COA1: variants seen among roughly 807,000 people sequenced by gnomAD.
COA1 encodes the protein cytochrome c oxidase assembly factor 1 homolog.
Under a neutral mutation model 16.0 loss-of-function variants are expected in COA1, and 13 were observed. The ratio of observed to expected loss-of-function variants is 0.81; its 90% CI spans 0.53 to 1.29. The LOEUF (loss-of-function observed/expected upper bound fraction) is 1.29. COA1 is among the 50% of genes most tolerant of loss of function. The pLI, the probability that COA1 is intolerant of heterozygous loss-of-function variation, is 0.00. For missense variants in COA1, 179 were observed against 177.0 expected, an observed-to-expected ratio of 1.01 and a Z score of -0.06; for synonymous variants, 65 against 65.7, an observed-to-expected ratio of 0.99 and a Z score of 0.05.
intron 1 of COA1, among the ~76,000 whole-genome samples, chr7:43,706,869 C>CA (rs199969447): frequency 1.4e-3 from 199 of 146,164 alleles, no homozygotes; most frequent in African/African-American, 4.9e-3. Flanking sequence ...GACCTTGTCT[C>CA]AAAAAAAAGA....
intron 1 of COA1, among the ~76,000 whole-genome samples, chr7:43,673,134 AAT>A (rs2093352326): frequency 6.6e-6 from 1 of 152,246 alleles, no homozygotes; most frequent in Non-Finnish European, 1.5e-5. Context: ...TGCCAAAGGC[AAT>A]TGTAACAAAA....
chr7:43,702,187 G>C (rs11974530), intron 1 of COA1, among the ~76,000 whole-genome samples: 1 of 152,014 alleles, frequency 6.6e-6, no homozygotes, highest in Non-Finnish European at 1.5e-5. Flanking sequence ...CAAAACCTAC[G>C]ACATAACTGT....
intron 6 of COA1, among the ~76,000 whole-genome samples, chr7:43,613,963 T>C (rs1484790777): frequency 1.3e-5 from 2 of 152,138 alleles, no homozygotes; most frequent in Non-Finnish European, 2.9e-5. Flanking sequence ...AAAGCAGGGG[T>C]AATAAAAACA....
intron 1 of COA1, among the ~76,000 whole-genome samples, chr7:43,691,944 G>A (rs564975692): frequency 5.5e-4 from 84 of 152,262 alleles, no homozygotes; most frequent in African/African-American, 1.7e-3. Context: ...AGGAGGAATC[G>A]CACCCACTTG....
chr7:43,716,373 G>C (rs189442908), intron 1 of COA1, among the ~76,000 whole-genome samples: 10 of 152,300 alleles, frequency 6.6e-5, no homozygotes, highest in Admixed American at 2.6e-4. Flanking sequence ...TGAGGAACTT[G>C]TTGGGAACTG....
chr7:43,614,376 AGATTTTGTGTGCCACAACTTCTTTATAAT>A (rs1320521378), intron 6 of COA1, among the ~76,000 whole-genome samples: 2 of 152,218 alleles, frequency 1.3e-5, no homozygotes, highest in Non-Finnish European at 2.9e-5. Flanking sequence ...AAATAGAACT[AGATTTTGTGTGCCACAACTTCTTTATAAT>A]GAACTGGATT....
intron 1 of COA1, among the ~76,000 whole-genome samples, chr7:43,697,163 C>A (rs1391691707): frequency 6.6e-6 from 1 of 151,680 alleles, no homozygotes; most frequent in Non-Finnish European, 1.5e-5. Flanking sequence ...AAAAGCCTGG[C>A]AAATATGTAA....
intron 6 of COA1, chr7:43,623,206 G>T (rs1381954550): frequency 1.0e-5 from 2 of 190,906 alleles, no homozygotes; most frequent in African/African-American, 4.8e-5. Flanking sequence ...ACGGGTGAGG[G>T]TGGGGCAATG....
intron 1 of COA1, among the ~76,000 whole-genome samples, chr7:43,684,755 G>T (rs2093939900): frequency 6.6e-6 from 1 of 152,108 alleles, no homozygotes; most frequent in South Asian, 2.1e-4. Flanking sequence ...CTCAAAAAGT[G>T]GCACACTCTA....
intron 1 of COA1, among the ~76,000 whole-genome samples, chr7:43,657,063 A>T (rs143482942): frequency 3.5e-4 from 53 of 152,090 alleles, no homozygotes; most frequent in African/African-American, 9.6e-4. Context: ...AATAAAAATT[A>T]AAAAAAACAG....
intron 1 of COA1, among the ~76,000 whole-genome samples, chr7:43,691,369 GAGGGAGGGAGGAAGGAAGGAAGGA>G (rs1400958318): frequency 1.6e-4 from 3 of 18,720 alleles, no homozygotes; most frequent in African/African-American, 4.7e-4. Context: ...GGGAGGGAGG[GAGGGAGGGAGGAAGGAAGGAAGGA>G]AGGAAGGAAG....
rs2094185514 is a variant in COA1, at chr7:43,689,613, A to C, written c.-39+39816T>G. Among the ~76,000 whole-genome samples the C allele has an allele frequency of 2.0e-5, 3 of 152,206 alleles. No homozygotes were observed. The South Asian group carries it at 6.2e-4, about 32-fold the overall frequency. On this transcript the variant is annotated intron_variant, in intron 1 of 5. Transcript: ENST00000223336. ...CTGAAAGCAGACTTGTACTATGAGA[A>C]ATGTGGATAAATGTTAAAAGGCATA...
At chr7:43,703,291 T>C (rs1043920445) in intron 1 of COA1, among the ~76,000 whole-genome samples, 1 of 152,184 alleles carries the variant, frequency 6.6e-6, no homozygotes, top group Non-Finnish European at 1.5e-5. Flanking sequence ...ATGTATAAAT[T>C]AGAAGAATGT....
intron 1 of COA1, among the ~76,000 whole-genome samples, chr7:43,704,605 T>G (rs2094896168): frequency 6.6e-6 from 1 of 152,246 alleles, no homozygotes; most frequent in African/African-American, 2.4e-5. Flanking sequence ...TCTATTCTGT[T>G]ATTAACACTT....
At chr7:43,622,425 T>C (rs1005136316) in intron 6 of COA1, 4 of 152,198 alleles carry the variant, frequency 2.6e-5, no homozygotes, top group African/African-American at 9.6e-5. Context: ...TTCATAGAAA[T>C]AGAACATTTT....
intron 1 of COA1, among the ~76,000 whole-genome samples, chr7:43,678,678 A>C (rs1284031206): frequency 3.9e-5 from 6 of 152,218 alleles, no homozygotes; most frequent in Non-Finnish European, 2.9e-5. Context: ...TTCAAAGAAG[A>C]TATGAAATGG....
chr7:43,614,865 G>T (rs907486681), intron 6 of COA1, among the ~76,000 whole-genome samples: 1 of 152,116 alleles, frequency 6.6e-6, no homozygotes, highest in African/African-American at 2.4e-5. Context: ...ATTAGTTTTT[G>T]CATAGTAACT....
chr7:43,656,362 A>G (rs1000600649), intron 1 of COA1, among the ~76,000 whole-genome samples: 1 of 152,244 alleles, frequency 6.6e-6, no homozygotes, highest in African/African-American at 2.4e-5. Flanking sequence ...GAACATTCAA[A>G]CAAACACAAG....
Position 43,647,646 on chromosome 7 carries a change from A to T in COA1, c.16-12T>A. On this transcript the variant is annotated splice_polypyrimidine_tract_variant and intron_variant, in intron 2 of 5. Coordinates refer to ENST00000223336, the MANE Select transcript of COA1 (RefSeq NM_018224.4). ...CTGCTTCCTGCATACTTAAAAACAAAAGATACAAATTTATTGTAGGATTCC... is the reference window on the plus strand; with the variant it reads ...CTGCTTCCTGCATACTTAAAAACAATAGATACAAATTTATTGTAGGATTCC... 6.3e-7 allele frequency: 1 copy of T among 1,597,628 alleles called. No individual in the cohort carries two copies. Among genetic ancestry groups the T allele is most frequent in the Non-Finnish European group, 8.6e-7 (1 of 1,165,702 alleles).
Sources: allele counts gnomAD v4.1 joint callset (sites outside exome capture counted in the v4.1 genomes callset), GRCh38; gene constraint gnomAD v4.1.1; transcripts MANE v1.5; gene names NCBI Gene and HGNC (gene_info 2026-07-23, HGNC 2026-07-21).